FAM174A: variants seen among roughly 807,000 people sequenced by gnomAD.
The protein encoded by FAM174A is family with sequence similarity 174 member A.
FAM174A carries 14 observed loss-of-function variants against 14.3 expected under a neutral mutation model. The ratio of observed to expected loss-of-function variants is 0.98; its 90% CI spans 0.65 to 1.53. FAM174A has a LOEUF of 1.53. FAM174A is among the 40% of genes most tolerant of loss of function. The pLI, the probability that FAM174A is intolerant of heterozygous loss-of-function variation, is 0.00. For missense variants in FAM174A, 241 were observed against 249.6 expected, an observed-to-expected ratio of 0.97 and a Z score of 0.23; for synonymous variants, 108 against 111.4, an observed-to-expected ratio of 0.97 and a Z score of 0.19.
intron 1 of FAM174A, among the ~76,000 whole-genome samples, chr5:100,542,045 C>T (rs1746064080): frequency 6.6e-6 from 1 of 152,108 alleles, no homozygotes; most frequent in Admixed American, 6.5e-5. Flanking sequence ...TCCCTAAAGG[C>T]CCAATCTGAT....
intron 1 of FAM174A, among the ~76,000 whole-genome samples, chr5:100,558,990 C>G (rs1746461706): frequency 1.3e-5 from 2 of 152,104 alleles, no homozygotes; most frequent in South Asian, 2.1e-4. Context: ...ATGATGTTAG[C>G]TGGTTATTCT....
chr5:100,579,705 C>T (rs1005571898), intron 2 of FAM174A, among the ~76,000 whole-genome samples: 2 of 152,144 alleles, frequency 1.3e-5, no homozygotes, highest in African/African-American at 4.8e-5. Context: ...GGATTACAGG[C>T]GTGAGCCACT....
intron 2 of FAM174A, among the ~76,000 whole-genome samples, chr5:100,582,944 C>T (rs1747051233): frequency 6.6e-6 from 1 of 152,110 alleles, no homozygotes; most frequent in Non-Finnish European, 1.5e-5. Context: ...AATTTTTGGA[C>T]TCCCCAAAAA....
intron 1 of FAM174A, among the ~76,000 whole-genome samples, chr5:100,553,732 A>T (rs1196420729): frequency 6.6e-6 from 1 of 152,156 alleles, no homozygotes; most frequent in Non-Finnish European, 1.5e-5. Context: ...ATTTACATAC[A>T]CATGTAAATT....
At chr5:100,571,163 T>TAC (rs60236371) in intron 2 of FAM174A, among the ~76,000 whole-genome samples, 4 of 151,322 alleles carry the variant, frequency 2.6e-5, no homozygotes, top group African/African-American at 9.7e-5. Context: ...TATATATATA[T>TAC]GTGTGTGTGT....
At chr5:100,579,555 G>A (rs1381719884) in intron 2 of FAM174A, among the ~76,000 whole-genome samples, 1 of 151,998 alleles carries the variant, frequency 6.6e-6, no homozygotes, top group East Asian at 1.9e-4. Context: ...CTCTCATGTA[G>A]CTGGGATTAC....
intron 2 of FAM174A, among the ~76,000 whole-genome samples, chr5:100,583,787 A>T (rs1747065816): frequency 6.6e-6 from 1 of 152,166 alleles, no homozygotes; most frequent in Non-Finnish European, 1.5e-5. Context: ...AGTCTTTTTC[A>T]ATAAAATAGC....
intron 1 of FAM174A, among the ~76,000 whole-genome samples, chr5:100,555,217 TG>T (rs1746350155): frequency 6.6e-6 from 1 of 152,026 alleles, no homozygotes; most frequent in African/African-American, 2.4e-5. Context: ...CTGAGAATGA[TG>T]GTTTCCAGCT....
intron 1 of FAM174A, among the ~76,000 whole-genome samples, chr5:100,540,823 A>C (rs984675732): frequency 6.6e-6 from 1 of 152,178 alleles, no homozygotes; most frequent in East Asian, 1.9e-4. Flanking sequence ...GTGGAGATGT[A>C]CTAGTTTGTT....
intron 2 of FAM174A, among the ~76,000 whole-genome samples, chr5:100,576,370 A>G (rs968211743): frequency 6.6e-6 from 1 of 151,896 alleles, no homozygotes; most frequent in African/African-American, 2.4e-5. Context: ...TGTTGTTTTT[A>G]TTCTTAGGTT....
chr5:100,545,124 C>G (rs982938956), intron 1 of FAM174A, among the ~76,000 whole-genome samples: 7 of 152,108 alleles, frequency 4.6e-5, no homozygotes, highest in Admixed American at 4.6e-4. Flanking sequence ...TAGTATTTCT[C>G]TTCTATATTA....
At chr5:100,562,291 A>G (rs772880312) in intron 2 of FAM174A, 103 bp downstream of exon 2, 7 of 1,089,750 alleles carry the variant, frequency 6.4e-6, no homozygotes, top group African/African-American at 3.4e-5. Context: ...ATATTCCAAC[A>G]CAGTTTCTTC....
At position 100,535,650 on chromosome 5, in the gene FAM174A, G is replaced by A. The variant is rs897468082; in HGVS notation, c.120G>A (p.Ala40=). 6.2e-7 allele frequency: 1 copy of A among 1,612,706 alleles called. No individual in the cohort carries two copies. The highest frequency in any genetic ancestry group is 1.7e-5 in the Admixed American group (1 of 60,022). ...LAVLLQAAEA[A]PGLGPPDPRP... is the part of the protein sequence containing the mutation. ...TCCTGCTGCAGGCAGCCGAGGCCGC[G>A]CCAGGTCTTGGGCCTCCTGACCCTA... Residue 40 remains alanine, a synonymous_variant, in exon 1 of 3, where the codon GCG becomes GCA. Transcript: ENST00000312637.
intron 1 of FAM174A, among the ~76,000 whole-genome samples, chr5:100,561,145 G>T (rs966488196): frequency 1.3e-5 from 2 of 151,814 alleles, no homozygotes; most frequent in African/African-American, 4.8e-5. Context: ...TGAAGGAAAA[G>T]AACAAGTTAT....
At chr5:100,556,018 G>A (rs1461314549) in intron 1 of FAM174A, among the ~76,000 whole-genome samples, 1 of 152,106 alleles carries the variant, frequency 6.6e-6, no homozygotes, top group Non-Finnish European at 1.5e-5. Flanking sequence ...GTCCTTGTCG[G>A]TGCCTATGTC....
intron 2 of FAM174A, among the ~76,000 whole-genome samples, chr5:100,583,799 G>A (rs144058573): frequency 1.2e-3 from 181 of 152,234 alleles, no homozygotes; most frequent in African/African-American, 4.0e-3. Context: ...TAAAATAGCA[G>A]CATCTTCAAT....
intron 1 of FAM174A, among the ~76,000 whole-genome samples, chr5:100,555,188 T>C (rs1746349683): frequency 6.6e-6 from 1 of 152,094 alleles, no homozygotes; most frequent in Admixed American, 6.6e-5. Flanking sequence ...GTTTGGTTTT[T>C]TGTCCTTGCG....
In FAM174A at chr5:100,586,183, A is replaced by G. The variant is rs371914670; in HGVS notation, c.572A>G (p.Ter191=). The change falls in exon 3 of 3, where the codon TAA becomes TGA. Residue 191 remains the stop codon, a splice_region_variant and stop_retained_variant. Coordinates refer to ENST00000312637, the MANE Select transcript of FAM174A (RefSeq NM_198507.3). ...TLFDANHPRR[*] ...GTATTTTTTTCTTTTTCTTGCAGAT[A>G]AGAATGTGCCTTTTGATGAAAGAAC... The G allele has an allele frequency of 2.1e-6, 3 of 1,407,566 alleles. No individual in the cohort carries two copies. The African/African-American group carries it at 4.3e-5, about 20-fold the overall frequency. The allele number at this position is 1,407,566 out of a possible 1,614,324, so 87.2% of individuals were successfully genotyped here.
chr5:100,555,651 G>A (rs1212592507), intron 1 of FAM174A, among the ~76,000 whole-genome samples: 1 of 152,100 alleles, frequency 6.6e-6, no homozygotes, highest in Non-Finnish European at 1.5e-5. Flanking sequence ...TCTCATTGTG[G>A]TTTTGATTTG....
Sources: allele counts gnomAD v4.1 joint callset (sites outside exome capture counted in the v4.1 genomes callset), GRCh38; gene constraint gnomAD v4.1.1; transcripts MANE v1.5; gene names NCBI Gene and HGNC (gene_info 2026-07-23, HGNC 2026-07-21).